Variants in NKAP observed in about 807,000 individuals in gnomAD.
NKAP encodes NFKB activating protein, also known as NF-kappa-B-activating protein.
Under a neutral mutation model 35.6 loss-of-function variants are expected in NKAP, and 4 were observed. The ratio of observed to expected loss-of-function variants is 0.11; its 90% confidence interval spans 0.06 to 0.26. The LOEUF is 0.26. Ranked by LOEUF, NKAP falls within the 10% of genes least tolerant of loss-of-function variation. The probability of loss-of-function intolerance (pLI) is 1.00; values close to 1 mark genes in which losing one functional copy is unlikely to be tolerated. For missense variants in NKAP, 238 were observed against 321.9 expected, an observed-to-expected ratio of 0.74 and a Z score of 1.99; for synonymous variants, 106 against 119.2, an observed-to-expected ratio of 0.89 and a Z score of 0.72.
chrX:119,927,948 T>C lies in NKAP; in HGVS notation c.1073+2068A>G, dbSNP rs139136802. ...TCCGTGAACCTGGTATCTCTCCAGC[T>C]ATTTAAGTTTTCTTTAATCTTACCT... is the stretch of plus-strand genomic sequence containing the variant. On this transcript the variant is annotated intron_variant, in intron 8 of 8. Coordinates refer to ENST00000371410, the MANE Select transcript of NKAP (RefSeq NM_024528.4). 5.9e-3 allele frequency among the ~76,000 whole-genome samples: 660 copies of C among 112,120 alleles called. 4 individuals carry two copies. The highest frequency in any genetic ancestry group is 0.021 in the African/African-American group (644 of 30,928).
At position 119,924,374 on chromosome X, in the gene NKAP, A is replaced by C. The variant is rs1166239212; in HGVS notation, c.*846T>G. ...TTCAAGCCACCTCCTCCAATACAGTAGCATTTTATTCATAATTTGGATTTT... is the reference window on the plus strand; with the variant it reads ...TTCAAGCCACCTCCTCCAATACAGTCGCATTTTATTCATAATTTGGATTTT... On this transcript the variant is annotated 3_prime_UTR_variant, in exon 9 of 9. Transcript: ENST00000371410. The C allele has an allele frequency of 9.0e-6, 1 of 110,822 alleles. No homozygotes were observed. The highest frequency in any genetic ancestry group is 1.9e-5 in the Non-Finnish European group (1 of 52,916). The allele number at this position is 110,822 out of a possible 1,213,427, so 9.1% of individuals were successfully genotyped here.
intron 2 of NKAP, 73 bp from the exon 3 acceptor site, chrX:119,936,755 A>G (rs1182581444): frequency 2.5e-6 from 2 of 805,009 alleles, no homozygotes; most frequent in Non-Finnish European, 1.8e-6. Flanking sequence ...AAAGATATGA[A>G]CTCCAAATTT....
intron 1 of NKAP, among the ~76,000 whole-genome samples, chrX:119,939,970 C>T (rs1289996908): frequency 1.8e-5 from 2 of 108,663 alleles, no homozygotes; most frequent in Non-Finnish European, 3.8e-5. Context: ...AATCCTCTTG[C>T]CTCAGCCTCC....
At chrX:119,934,242 G>T (rs761320688) in intron 5 of NKAP, among the ~76,000 whole-genome samples, 19 of 108,331 alleles carry the variant, frequency 1.8e-4, no homozygotes, top group Non-Finnish European at 2.5e-4. Context: ...AAACCAGCCT[G>T]GCCAACATGG....
At chrX:119,930,998 C>T (rs1485516596) in intron 7 of NKAP, among the ~76,000 whole-genome samples, 13 of 108,970 alleles carry the variant, frequency 1.2e-4, no homozygotes, top group Non-Finnish European at 2.1e-4. Context: ...AAAATTAGTC[C>T]GGGCGTGGCG....
Position 119,922,989 on chromosome X carries a change from T to G in NKAP, c.*2231A>C, listed in dbSNP as rs1340205697. 1 of 111,008 alleles carries G rather than the reference T, an allele frequency of 9.0e-6. No homozygotes were observed. Among genetic ancestry groups the G allele is most frequent in the Non-Finnish European group, 1.9e-5 (1 of 53,020 alleles). The allele number at this position is 111,008 out of a possible 1,213,427, so 9.1% of individuals were successfully genotyped here. ...ATTTCAGGAGGCTGAGGCGGGCAGA[T>G]CACTTGAGGTCAGGAGTTCGAGACC... On this transcript the variant is annotated 3_prime_UTR_variant, in exon 9 of 9. Coordinates refer to ENST00000371410, the MANE Select transcript of NKAP (RefSeq NM_024528.4).
chrX:119,930,494 C>T (rs1306963243), intron 7 of NKAP, among the ~76,000 whole-genome samples: 2 of 112,136 alleles, frequency 1.8e-5, no homozygotes, highest in Non-Finnish European at 3.8e-5. Context: ...GTTCTGGCTC[C>T]AGCTGATTCC....
At chrX:119,929,196 T>C (rs187491792) in intron 8 of NKAP, among the ~76,000 whole-genome samples, 4 of 112,184 alleles carry the variant, frequency 3.6e-5, no homozygotes, top group Non-Finnish European at 7.5e-5. Context: ...GTGCCCAGCC[T>C]TCCTTTCCAA....
At chrX:119,939,807 G>A (rs1005210751) in intron 1 of NKAP, among the ~76,000 whole-genome samples, 1 of 109,184 alleles carries the variant, frequency 9.2e-6, no homozygotes, top group Non-Finnish European at 1.9e-5. Flanking sequence ...GCTGAGGCAG[G>A]AGAATCGCTT....
intron 1 of NKAP, among the ~76,000 whole-genome samples, chrX:119,940,848 T>C (rs2056789778): frequency 8.9e-6 from 1 of 112,077 alleles, no homozygotes; most frequent in Admixed American, 9.5e-5. Context: ...TGTTGTCACC[T>C]GGTTTCATCT....
In NKAP at chrX:119,943,708, C is replaced by A; in HGVS notation, c.-103G>T. ...CCCGGGACCTGCCGCTGCGGAACAG[C>A]CCAAATCTGAGGAAACCTTGGACAC... On this transcript the variant is annotated 5_prime_UTR_variant, in exon 1 of 9. Coordinates refer to ENST00000371410, the MANE Select transcript of NKAP (RefSeq NM_024528.4). 1 of 957,747 alleles carries A rather than the reference C, an allele frequency of 1.0e-6. No individual in the cohort carries two copies. 78.9% of individuals were successfully genotyped at this position (957,747 alleles called of 1,213,427 possible).
chrX:119,938,897 C>A (rs1432586297), intron 1 of NKAP, 87 bp from the exon 2 acceptor site: 2 of 635,438 alleles, frequency 3.1e-6, no homozygotes, highest in Admixed American at 6.6e-5. Context: ...TCTAGTTAAG[C>A]CTTTTTTCCC....
Position 119,943,686 on chromosome X carries a change from G to T in NKAP, c.-81C>A. 2 of 1,050,651 alleles carry T rather than the reference G, an allele frequency of 1.9e-6. No homozygotes were observed. Among genetic ancestry groups the T allele is most frequent in the Non-Finnish European group, 2.5e-6 (2 of 798,495 alleles). The allele number at this position is 1,050,651 out of a possible 1,213,427, so 86.6% of individuals were successfully genotyped here. A position where few individuals can be genotyped will look rare whatever the true frequency, so the allele number is the denominator to read the frequency against. ...GAAGATGTCTGTTGCCTTGGTTCCCGGGACCTGCCGCTGCGGAACAGCCCA... is the reference window on the plus strand; with the variant it reads ...GAAGATGTCTGTTGCCTTGGTTCCCTGGACCTGCCGCTGCGGAACAGCCCA... On this transcript the variant is annotated 5_prime_UTR_variant, in exon 1 of 9. Transcript: ENST00000371410.
In NKAP at chrX:119,943,315, C is replaced by G; in HGVS notation, c.291G>C (p.Ser97=). The stretch of plus-strand genomic sequence containing the variant: ...GCGAGTAGCTGCCGTAATAGACTGA[C>G]GAGGAGGCAGAAGCGAAGGGGATGC... ...PRGIPFASAS[S]SVYYGSYSRP... Residue 97 remains serine (S), a synonymous_variant, in exon 1 of 9, where the codon TCG becomes TCC. Coordinates refer to ENST00000371410, the MANE Select transcript of NKAP (RefSeq NM_024528.4). 1 of 1,211,951 alleles carries G rather than the reference C, an allele frequency of 8.3e-7. No individual in the cohort carries two copies. The highest frequency in any genetic ancestry group is 1.8e-5 in the South Asian group (1 of 57,014).
At chrX:119,940,606 A>G (rs1293273708) in intron 1 of NKAP, among the ~76,000 whole-genome samples, 1 of 112,039 alleles carries the variant, frequency 8.9e-6, no homozygotes, top group Non-Finnish European at 1.9e-5. Context: ...TTGTGACTCC[A>G]TTTGTTTTTA....
intron 1 of NKAP, among the ~76,000 whole-genome samples, chrX:119,940,154 G>A (rs1199993235): frequency 9.1e-6 from 1 of 110,432 alleles, no homozygotes; most frequent in African/African-American, 3.3e-5. Context: ...TGGCCAACAT[G>A]GTAAAACCCT....
rs1421412193 is a variant in NKAP, at chrX:119,937,825, C to A, written c.467+905G>T. 2.7e-5 allele frequency: 3 copies of A among 109,667 alleles called. No homozygotes were observed. In the East Asian group the frequency reaches 8.7e-4, roughly 32 times the overall value. 9.0% of individuals were successfully genotyped at this position (109,667 alleles called of 1,213,427 possible). The stretch of plus-strand genomic sequence containing the variant: ...ACAGGCGTGAGCCACCGCACCTGGC[C>A]TCTTCAAGCATTTTCTAAAGGTATC... On this transcript the variant is annotated intron_variant, in intron 2 of 8. Transcript: ENST00000371410.
At chrX:119,930,839 CAA>C (rs10707773) in intron 7 of NKAP, among the ~76,000 whole-genome samples, 1 of 97,395 alleles carries the variant, frequency 1.0e-5, no homozygotes, top group African/African-American at 3.8e-5. Flanking sequence ...CAAAACAAAA[CAA>C]AAAAAAAAAA....
At chrX:119,934,669 T>G in intron 4 of NKAP, 112 bp from the exon 5 acceptor site, 1 of 473,379 alleles carries the variant, frequency 2.1e-6, no homozygotes, top group Non-Finnish European at 3.4e-6. Context: ...TACAAAGAAA[T>G]TACCTCATTG....
Sources: gnomAD v4.1 joint callset for allele counts (sites outside exome capture counted in the v4.1 genomes callset) on GRCh38, gnomAD v4.1.1 for gene constraint, MANE v1.5 for transcripts, NCBI Gene and HGNC (gene_info 2026-07-23, HGNC 2026-07-21) for gene names.